Variants in TSHZ2 observed in about 807,000 individuals in gnomAD.
TSHZ2 encodes teashirt homolog 2.
Under a neutral mutation model 74.4 loss-of-function variants are expected in TSHZ2, and 21 were observed. That is an observed-to-expected ratio of 0.28 (90% CI 0.20 to 0.41). TSHZ2 has a LOEUF of 0.41. Ranked by LOEUF, TSHZ2 falls within the 10% of genes least tolerant of loss-of-function variation. The pLI is 1.00. For missense variants in TSHZ2, 1,244 were observed against 1,293.5 expected, an observed-to-expected ratio of 0.96 and a Z score of 0.59; for synonymous variants, 540 against 515.3, an observed-to-expected ratio of 1.05 and a Z score of -0.65.
intron 1 of TSHZ2, among the ~76,000 whole-genome samples, chr20:53,122,815 C>T (rs1986848547): frequency 6.6e-6 from 1 of 152,188 alleles, no homozygotes; most frequent in African/African-American, 2.4e-5. Context: ...AAAGTGGACT[C>T]TCTTTTTCAT....
chr20:53,455,717 C>T (rs1365102433), intron 2 of TSHZ2, among the ~76,000 whole-genome samples: 1 of 151,356 alleles, frequency 6.6e-6, no homozygotes, highest in Non-Finnish European at 1.5e-5. Flanking sequence ...TCCCCCGCCC[C>T]ACCCCACAAC....
intron 2 of TSHZ2, among the ~76,000 whole-genome samples, chr20:53,275,914 C>T (rs1052663656): frequency 6.6e-6 from 1 of 152,104 alleles, no homozygotes; most frequent in East Asian, 1.9e-4. Context: ...GTAACAAGAG[C>T]GAAACTCCGT....
intron 2 of TSHZ2, among the ~76,000 whole-genome samples, chr20:53,413,396 G>C (rs556707703): frequency 5.0e-4 from 76 of 152,354 alleles, no homozygotes; most frequent in Non-Finnish European, 8.8e-4. Flanking sequence ...GGCCAGGTGC[G>C]GTGGTGCACG....
At chr20:52,983,091 T>C (rs533622913) in intron 1 of TSHZ2, among the ~76,000 whole-genome samples, 2 of 152,202 alleles carry the variant, frequency 1.3e-5, no homozygotes, top group Admixed American at 6.5e-5. Context: ...CCAGCCTTCA[T>C]AGAGAGATTG....
chr20:53,205,888 A>G (rs1018699099), intron 1 of TSHZ2, among the ~76,000 whole-genome samples: 1 of 152,192 alleles, frequency 6.6e-6, no homozygotes, highest in Admixed American at 6.5e-5. Flanking sequence ...TGGTGAAGCC[A>G]TTTACATTCT....
chr20:53,234,727 G>A (rs1353998424), intron 1 of TSHZ2, among the ~76,000 whole-genome samples: 2 of 152,166 alleles, frequency 1.3e-5, no homozygotes, highest in Non-Finnish European at 2.9e-5. Flanking sequence ...ATGGGAAATA[G>A]CAAAGAGGTC....
intron 2 of TSHZ2, chr20:53,399,149 A>G (rs1982561434): frequency 6.6e-6 from 1 of 152,222 alleles, no homozygotes; most frequent in South Asian, 2.1e-4. Context: ...CCCATTATTC[A>G]TGATATGAAC....
chr20:53,450,388 G>A (rs1040442370), intron 2 of TSHZ2, among the ~76,000 whole-genome samples: 1 of 152,188 alleles, frequency 6.6e-6, no homozygotes, highest in Non-Finnish European at 1.5e-5. Flanking sequence ...ACTTTTTGTT[G>A]CCAGTATATA....
intron 1 of TSHZ2, among the ~76,000 whole-genome samples, chr20:53,170,744 T>G (rs1257428203): frequency 6.6e-6 from 1 of 152,182 alleles, no homozygotes; most frequent in Non-Finnish European, 1.5e-5. Context: ...AAAATAGACC[T>G]TTATATAATG....
chr20:53,271,359 G>T (rs1195370788), intron 2 of TSHZ2, among the ~76,000 whole-genome samples: 4 of 152,192 alleles, frequency 2.6e-5, no homozygotes, highest in African/African-American at 9.7e-5. Flanking sequence ...CTGTTATAAA[G>T]ATAAAATTAA....
chr20:53,468,553 A>C (rs1394520201), intron 2 of TSHZ2, among the ~76,000 whole-genome samples: 1 of 152,060 alleles, frequency 6.6e-6, no homozygotes, highest in Non-Finnish European at 1.5e-5. Context: ...ACTGGTGAAG[A>C]GATCTTAAAC....
chr20:53,375,674 C>CT (rs1981633901), intron 2 of TSHZ2, among the ~76,000 whole-genome samples: 1 of 152,184 alleles, frequency 6.6e-6, no homozygotes, highest in East Asian at 1.9e-4. Context: ...TTCTCCTTCC[C>CT]TGTAGCATCA....
chr20:53,014,841 A>G lies in TSHZ2; in HGVS notation c.40+41508A>G, dbSNP rs576837564. Among the ~76,000 whole-genome samples, 9 of 152,294 alleles carry G rather than the reference A, an allele frequency of 5.9e-5. No individual in the cohort carries two copies. In the South Asian group the frequency reaches 1.7e-3, roughly 28 times the overall value. ...CTCCACCTCCCTGAAGCCCCAGTACAACGCTTCGTACAGAATGAGTCGTCT... is the reference window on the plus strand; with the variant it reads ...CTCCACCTCCCTGAAGCCCCAGTACGACGCTTCGTACAGAATGAGTCGTCT... On this transcript the variant is annotated intron_variant, in intron 1 of 2. Coordinates refer to ENST00000371497, the MANE Select transcript of TSHZ2 (RefSeq NM_173485.6).
chr20:53,154,109 G>A (rs772262712), intron 1 of TSHZ2, among the ~76,000 whole-genome samples: 1 of 152,224 alleles, frequency 6.6e-6, no homozygotes, highest in Non-Finnish European at 1.5e-5. Context: ...GAGCTTCGCA[G>A]TCACATGGCA....
At position 53,050,130 on chromosome 20, in the gene TSHZ2, T is replaced by C. The variant is rs867304083; in HGVS notation, c.40+76797T>C. 2.4e-3 allele frequency among the ~76,000 whole-genome samples: 215 copies of C among 88,316 alleles called. 2 individuals are homozygous for C. Among genetic ancestry groups the C allele is most frequent in the East Asian group, 0.014 (25 of 1,786 alleles). 57.9% of individuals were successfully genotyped at this position (88,316 alleles called of 152,430 possible). On this transcript the variant is annotated intron_variant, in intron 1 of 2. Transcript: ENST00000371497. The stretch of plus-strand genomic sequence containing the variant: ...ATATATATATATATATATATACACA[T>C]ATATATATGTGTATATATATATACA...
chr20:53,197,067 G>A (rs990500516), intron 1 of TSHZ2, among the ~76,000 whole-genome samples: 4 of 151,980 alleles, frequency 2.6e-5, no homozygotes, highest in Admixed American at 6.5e-5. Flanking sequence ...CCCCATCCTC[G>A]TTTTCATTTT....
At chr20:53,140,142 GAA>G (rs1410742161) in intron 1 of TSHZ2, among the ~76,000 whole-genome samples, 1 of 151,810 alleles carries the variant, frequency 6.6e-6, no homozygotes, top group Non-Finnish European at 1.5e-5. Context: ...GTAGTGGGGA[GAA>G]AGACAAAAAG....
chr20:53,391,232 C>T (rs532368832), intron 2 of TSHZ2, among the ~76,000 whole-genome samples: 15 of 152,210 alleles, frequency 9.9e-5, no homozygotes, highest in East Asian at 3.9e-4. Context: ...CTGCAAGCTC[C>T]GCCTCCTGGG....
intron 2 of TSHZ2, among the ~76,000 whole-genome samples, chr20:53,389,561 A>G (rs1210777970): frequency 6.6e-6 from 1 of 152,212 alleles, no homozygotes; most frequent in African/African-American, 2.4e-5. Flanking sequence ...GTGACAGAGT[A>G]TGGCTGGCTT....
Sources: allele counts gnomAD v4.1 joint callset (sites outside exome capture counted in the v4.1 genomes callset), GRCh38; gene constraint gnomAD v4.1.1; transcripts MANE v1.5; gene names NCBI Gene and HGNC (gene_info 2026-07-23, HGNC 2026-07-21).